The following MEOX1 variants were observed in gnomAD, a reference collection of about 807,000 sequenced individuals.
The protein encoded by MEOX1 is mesenchyme homeobox 1.
MEOX1 carries 17 observed loss-of-function variants against 23.2 expected under a neutral mutation model. The observed-to-expected ratio is 0.73, with a 90% CI of 0.50 to 1.10. The LOEUF is 1.10. Among genes scored for constraint, MEOX1 ranks in the 50% least tolerant of loss-of-function variants. The pLI is 0.00. For synonymous variants in MEOX1, 134 were observed against 135.1 expected (o/e 0.99, Z 0.06); for missense variants, 333 against 332.2 (o/e 1.00, Z -0.02).
At chr17:43,646,135 G>A (rs938578631) in intron 1 of MEOX1, among the ~76,000 whole-genome samples, 6 of 152,178 alleles carry the variant, frequency 3.9e-5, no homozygotes, top group Non-Finnish European at 8.8e-5. Context: ...GCAGGGCAGG[G>A]GGCCGAGTTC....
intron 2 of MEOX1, 82 bp downstream of exon 2, chr17:43,643,406 G>T: frequency 7.8e-7 from 1 of 1,282,034 alleles, no homozygotes; most frequent in Non-Finnish European, 1.1e-6. Flanking sequence ...AAAAGGAGAA[G>T]GTCCAGGGAG....
chr17:43,649,674 G>A (rs1364370058), intron 1 of MEOX1, among the ~76,000 whole-genome samples: 2 of 152,142 alleles, frequency 1.3e-5, no homozygotes, highest in African/African-American at 4.8e-5. Flanking sequence ...GTGTCACATG[G>A]CAATCCACAT....
intron 1 of MEOX1, among the ~76,000 whole-genome samples, chr17:43,649,756 C>T (rs1972882317): frequency 6.6e-6 from 1 of 152,212 alleles, no homozygotes; most frequent in African/African-American, 2.4e-5. Context: ...GATGCTGGCC[C>T]TCAGTGGGCT....
rs1373008773 is a variant in MEOX1 at position 43,661,104 on chromosome 17, G to C, written c.431C>G (p.Thr144Arg). 2.0e-6 allele frequency: 3 copies of C among 1,503,180 alleles called. No individual in the cohort carries two copies. The highest frequency in any genetic ancestry group is 2.7e-6 in the Non-Finnish European group (3 of 1,126,284). 93.1% of individuals were successfully genotyped at this position (1,503,180 alleles called of 1,614,324 possible). A position where few individuals can be genotyped will look rare whatever the true frequency, so the allele number is the denominator to read the frequency against. Residue 144 changes from threonine to arginine, a missense_variant, in exon 1 of 3, where the codon ACA (threonine) becomes AGA (arginine). Thr to Arg is a moderately conservative substitution (Grantham distance 71). Coordinates refer to ENST00000318579, the MANE Select transcript of MEOX1 (RefSeq NM_004527.4). ...TCTCCGCCTGGATGATTTCTTCTCT[G>C]TCTCATTGGCAGTGCTCCCAAGCAC... is the stretch of plus-strand genomic sequence containing the variant. ...YGVLGSTANE[T>R]EKKSSRRRKE...
At chr17:43,650,176 T>A (rs1476985388) in intron 1 of MEOX1, among the ~76,000 whole-genome samples, 1 of 152,074 alleles carries the variant, frequency 6.6e-6, no homozygotes, top group Non-Finnish European at 1.5e-5. Flanking sequence ...CAAAGAGAAC[T>A]TCTTTTAGGC....
chr17:43,643,388 G>T, intron 2 of MEOX1, 100 bp downstream of exon 2: 1 of 1,140,126 alleles, frequency 8.8e-7, no homozygotes, highest in Non-Finnish European at 1.2e-6. Context: ...GGACTGGCTG[G>T]AGGAAGAAAA....
rs570939247 is a variant in MEOX1, at chr17:43,657,324, C to A, written c.469+3742G>T. 2.7e-5 allele frequency among the ~76,000 whole-genome samples: 4 copies of A among 145,656 alleles called. No homozygotes were observed. The South Asian group carries it at 8.9e-4, about 32-fold the overall frequency. On this transcript the variant is annotated intron_variant, in intron 1 of 2. Coordinates refer to ENST00000318579, the MANE Select transcript of MEOX1 (RefSeq NM_004527.4). ...AGTAGCTGGGATTTACAGGTGCCTG[C>A]CACCACACCTGGCTAATTTTTTTTT...
At chr17:43,660,665 G>C (rs967154531) in intron 1 of MEOX1, among the ~76,000 whole-genome samples, 2 of 152,186 alleles carry the variant, frequency 1.3e-5, no homozygotes, top group African/African-American at 4.8e-5. Flanking sequence ...CCTGGTAAGC[G>C]AGCCCTGTGG....
At chr17:43,656,616 T>A (rs1053297442) in intron 1 of MEOX1, among the ~76,000 whole-genome samples, 5 of 152,182 alleles carry the variant, frequency 3.3e-5, no homozygotes, top group Admixed American at 6.5e-5. Flanking sequence ...ATTAAAGGCA[T>A]GTCTCAGCAG....
intron 1 of MEOX1, among the ~76,000 whole-genome samples, chr17:43,657,018 CT>C: frequency 8.3e-6 from 1 of 120,296 alleles, no homozygotes; most frequent in Non-Finnish European, 1.8e-5. Flanking sequence ...CTTTCTCTTT[CT>C]TTCTTTCTTT....
intron 1 of MEOX1, among the ~76,000 whole-genome samples, chr17:43,658,500 C>T (rs1973080688): frequency 7.8e-6 from 1 of 128,856 alleles, no homozygotes; most frequent in Admixed American, 9.0e-5. Flanking sequence ...GAGTGAGACT[C>T]CATCTCAAAA....
chr17:43,661,425 T>TTTGG lies in MEOX1; in HGVS notation c.109_110insCCAA (p.His37ProfsTer26), dbSNP rs2154589077. 1.2e-6 allele frequency: 1 copy of TTTGG among 860,854 alleles called. No homozygotes were observed. Among genetic ancestry groups the TTTGG allele is most frequent in the Non-Finnish European group, 1.8e-6 (1 of 552,494 alleles). 53.3% of individuals were successfully genotyped at this position (860,854 alleles called of 1,614,324 possible). ...GAAGGAGAACGGGGTGGGCGGGTAG[T>TTTGG]GGGGTAGCCCTGAGGCCCCATTGCC... On this transcript the variant is annotated frameshift_variant, in exon 1 of 3. Transcript: ENST00000318579. LOFTEE classifies it high-confidence loss of function.
chr17:43,655,892 G>A (rs186807808), intron 1 of MEOX1, among the ~76,000 whole-genome samples: 1 of 152,118 alleles, frequency 6.6e-6, no homozygotes, highest in Non-Finnish European at 1.5e-5. Flanking sequence ...TGGAGATAGA[G>A]TTTCGGTTTT....
At chr17:43,659,642 T>C (rs1178056779) in intron 1 of MEOX1, among the ~76,000 whole-genome samples, 2 of 152,190 alleles carry the variant, frequency 1.3e-5, no homozygotes, top group Non-Finnish European at 1.5e-5. Context: ...CAAATGGAGA[T>C]GAGCTGCTCA....
chr17:43,648,579 A>G (rs1467482737), intron 1 of MEOX1, among the ~76,000 whole-genome samples: 2 of 152,124 alleles, frequency 1.3e-5, no homozygotes, highest in African/African-American at 4.8e-5. Flanking sequence ...TGTGGGCCTC[A>G]GTTTCCCCAT....
chr17:43,658,325 G>A (rs2003467), intron 1 of MEOX1, among the ~76,000 whole-genome samples: 76,449 of 151,958 alleles, frequency 0.5, 22,328 homozygotes, highest in East Asian at 0.86. Flanking sequence ...TGACCAACAT[G>A]GTAAAACCCC....
intron 1 of MEOX1, 89 bp downstream of exon 1, chr17:43,660,977 A>G (rs1261696902): frequency 4.9e-6 from 4 of 815,122 alleles, no homozygotes; most frequent in Non-Finnish European, 7.4e-6. Context: ...ACAGAAATTC[A>G]TGCTCAGAGC....
At chr17:43,643,336 T>C in intron 2 of MEOX1, 152 bp downstream of exon 2, 1 of 648,454 alleles carries the variant, frequency 1.5e-6, no homozygotes, top group Non-Finnish European at 2.4e-6. Context: ...AACCCAAAAC[T>C]CCCCAGGCTA....
chr17:43,657,050 C>CTTTCTT (rs1598267413), intron 1 of MEOX1, among the ~76,000 whole-genome samples: 1 of 134,966 alleles, frequency 7.4e-6, no homozygotes, highest in Admixed American at 7.6e-5. Context: ...TTCTTTCTTT[C>CTTTCTT]TTTCTTTCCT....
Sources: allele counts gnomAD v4.1 joint callset (sites outside exome capture counted in the v4.1 genomes callset), GRCh38; gene constraint gnomAD v4.1.1; transcripts MANE v1.5; gene names NCBI Gene and HGNC (gene_info 2026-07-23, HGNC 2026-07-21).